Variants in TNK1 observed in about 807,000 individuals in gnomAD.
The protein encoded by TNK1 is tyrosine kinase non receptor 1, also known as non-receptor tyrosine-protein kinase TNK1.
A neutral mutation model predicts 65.2 loss-of-function variants in TNK1; 53 were observed. The observed-to-expected ratio is 0.81, with a 90% CI of 0.65 to 1.02. The LOEUF (loss-of-function observed/expected upper bound fraction) is 1.02. Among genes scored for constraint, TNK1 ranks in the 50% least tolerant of loss-of-function variants. The pLI is 0.00. For missense variants in TNK1, 837 were observed against 878.4 expected, an observed-to-expected ratio of 0.95 and a Z score of 0.60; for synonymous variants, 353 against 364.6, an observed-to-expected ratio of 0.97 and a Z score of 0.36.
In TNK1 at chr17:7,388,166, CT is replaced by C. The variant is rs1450700057; in HGVS notation, c.1478-239del. Among the ~76,000 whole-genome samples the C allele has an allele frequency of 6.6e-6, 1 of 152,208 alleles. No individual in the cohort carries two copies. Among genetic ancestry groups the C allele is most frequent in the African/African-American group, 2.4e-5 (1 of 41,448 alleles). On this transcript the variant is annotated intron_variant, in intron 10 of 12. Transcript: ENST00000688331. This position sits in a 1 kb window ranked among gnomAD's most constrained non-coding sequence, Gnocchi z 4.5. ...TGGGGCCAGGCATGGTGGCTCAAGC[CT>C]GTAATCCCAGCACTTTGGGAGCCCA...
chr17:7,388,922 G>T lies in TNK1; in HGVS notation c.1872+39G>T, dbSNP rs1216823429. 6.4e-7 allele frequency: 1 copy of T among 1,560,692 alleles called. No homozygotes were observed. Among genetic ancestry groups the T allele is most frequent in the African/African-American group, 1.4e-5 (1 of 73,512 alleles). On this transcript the variant is annotated intron_variant, in intron 12 of 12. Transcript: ENST00000688331. This position sits in a 1 kb window ranked among gnomAD's most constrained non-coding sequence, Gnocchi z 4.5. ...CTTCTCTTGGGGTCCCTCCTCTCCT[G>T]CCCCTGCCGCCTGGCAGTCAGCTGC...
rs1174695199 is a variant in TNK1, at chr17:7,389,241, A to G, written c.*157A>G. The G allele has an allele frequency of 1.6e-6, 1 of 624,232 alleles. No individual in the cohort carries two copies. The highest frequency in any genetic ancestry group is 2.8e-6 in the Non-Finnish European group (1 of 359,082). The allele number at this position is 624,232 out of a possible 1,614,324, so 38.7% of individuals were successfully genotyped here. A position where few individuals can be genotyped will look rare whatever the true frequency, so the allele number is the denominator to read the frequency against. The stretch of plus-strand genomic sequence containing the variant: ...CCGTAGGCACATGGAGGAGGAGCCC[A>G]GAGTTGGGCACTGGCAAATGTCTCC... On this transcript the variant is annotated 3_prime_UTR_variant, in exon 13 of 13. Coordinates refer to ENST00000688331, the MANE Select transcript of TNK1 (RefSeq NM_003985.6).
At chr17:7,380,161 G>T (rs575794278), upstream of TNK1, among the ~76,000 whole-genome samples, 1 of 152,166 alleles carries the variant, frequency 6.6e-6, no homozygotes, top group South Asian at 2.1e-4. Flanking sequence ...GCTGGGAAAC[G>T]TGGAGGTGGC....
chr17:7,384,948 G>A (rs1472734463), intron 7 of TNK1, among the ~76,000 whole-genome samples, 194 bp downstream of exon 7: 1 of 152,220 alleles, frequency 6.6e-6, no homozygotes, highest in Non-Finnish European at 1.5e-5. Context: ...CACAGATGCA[G>A]ACTGAAAGGC....
chr17:7,382,844 G>A lies in TNK1; in HGVS notation c.-83G>A. The A allele has an allele frequency of 6.8e-7, 1 of 1,469,604 alleles. No individual in the cohort carries two copies. The highest frequency in any genetic ancestry group is 9.3e-7 in the Non-Finnish European group (1 of 1,079,622). 91.0% of individuals were successfully genotyped at this position (1,469,604 alleles called of 1,614,324 possible). A position where few individuals can be genotyped will look rare whatever the true frequency, so the allele number is the denominator to read the frequency against. ...TTTCTAATGACTTGCAGGTGGAGCT[G>A]GAGACCTGGTCTCTCTAGGGCCTAC... On this transcript the variant is annotated 5_prime_UTR_variant, in exon 2 of 13. Transcript: ENST00000688331. The surrounding 1 kb of genome is among the most constrained non-coding windows in gnomAD (Gnocchi z 4.1).
rs995945867 is a variant in TNK1 at position 7,386,587 on chromosome 17, G to A, written c.1164G>A (p.Val388=). ...CCGGGCCTTCGGAAGCATGTTGTGT[G>A]AGGGATGTCACAGAACCAGGCGCCC... ...QEAGPSEACC[V]RDVTEPGALR... is the part of the protein sequence containing the mutation. The change falls in exon 8 of 13, where the codon GTG becomes GTA. Residue 388 remains valine, a synonymous_variant. Transcript: ENST00000688331. 2 of 1,605,370 alleles carry A rather than the reference G, an allele frequency of 1.2e-6. No individual in the cohort carries two copies. The highest frequency in any genetic ancestry group is 1.1e-5 in the South Asian group (1 of 89,064).
chr17:7,388,582 C>A lies in TNK1; in HGVS notation c.1654C>A (p.Leu552Ile). ...PQPSQPSRER[L>I]PWPKRKPPHN... is the part of the protein sequence containing the mutation. The stretch of plus-strand genomic sequence containing the variant: ...GCCCAGCCAGCCCTCTAGGGAGAGG[C>A]TTCCCTGGCCCAAAAGAAAACCCCC... Residue 552 changes from leucine to isoleucine, a missense_variant, in exon 11 of 13, where the codon CTT (leucine) becomes ATT (isoleucine). Physicochemically the swap from Leu to Ile is conservative, Grantham distance 5. Transcript: ENST00000688331. This position sits in a 1 kb window ranked among gnomAD's most constrained non-coding sequence, Gnocchi z 4.5. 1 of 1,613,996 alleles carries A rather than the reference C, an allele frequency of 6.2e-7. No homozygotes were observed. Among genetic ancestry groups the A allele is most frequent in the Non-Finnish European group, 8.5e-7 (1 of 1,179,894 alleles).
chr17:7,382,570 G>A lies in TNK1; in HGVS notation c.-91-266G>A, dbSNP rs773493226. 6.0e-4 allele frequency among the ~76,000 whole-genome samples: 92 copies of A among 152,304 alleles called. No individual in the cohort carries two copies. The highest frequency in any genetic ancestry group is 4.7e-4 in the Non-Finnish European group (32 of 68,034). On this transcript the variant is annotated intron_variant, in intron 1 of 12. Transcript: ENST00000688331. This position sits in a 1 kb window ranked among gnomAD's most constrained non-coding sequence, Gnocchi z 4.1. The stretch of plus-strand genomic sequence containing the variant: ...TGCGTAGCTCAGGTCTAAAAGGGCA[G>A]TGTTTCTGGGTGTCCGGGTGTGTGA...
At chr17:7,383,673 C>G (rs767363789) in intron 4 of TNK1, 36 bp from the exon 5 acceptor site, 1 of 1,602,842 alleles carries the variant, frequency 6.2e-7, no homozygotes, top group Admixed American at 1.7e-5. Context: ...GTTCTTCATG[C>G]CCGCAATGCC....
In TNK1 at chr17:7,384,268, G is replaced by A; in HGVS notation, c.866+15G>A. On this transcript the variant is annotated intron_variant, in intron 6 of 12. Coordinates refer to ENST00000688331, the MANE Select transcript of TNK1 (RefSeq NM_003985.6). ...CCCTACGCCTGGTGAGAGCGGGTCC[G>A]CGGGCGGTCGGGCTCTGAGCCGGGC... is the stretch of plus-strand genomic sequence containing the variant. 2 of 1,445,448 alleles carry A rather than the reference G, an allele frequency of 1.4e-6. No individual in the cohort carries two copies. Among genetic ancestry groups the A allele is most frequent in the South Asian group, 1.4e-5 (1 of 69,286 alleles). The allele number at this position is 1,445,448 out of a possible 1,614,324, so 89.5% of individuals were successfully genotyped here.
At position 7,384,013 on chromosome 17, in the gene TNK1, C is replaced by A. The variant is rs779690381; in HGVS notation, c.626C>A (p.Thr209Lys). The A allele has an allele frequency of 2.0e-6, 3 of 1,497,726 alleles. No homozygotes were observed. The highest frequency in any genetic ancestry group is 2.5e-5 in the East Asian group (1 of 40,144). 92.8% of individuals were successfully genotyped at this position (1,497,726 alleles called of 1,614,324 possible). A position where few individuals can be genotyped will look rare whatever the true frequency, so the allele number is the denominator to read the frequency against. The change falls in exon 6 of 13, where the codon ACG becomes AAG. Residue 209 changes from threonine (T) to lysine (K), a missense_variant. Physicochemically the swap from Thr to Lys is moderately conservative, Grantham distance 78. Transcript: ENST00000688331. ...CTGGGCTCCCTGCACGCGCGCCTAA[C>A]GGCCCCGGCCCCGACACCCCCGCTG... ...APLGSLHARL[T>K]APAPTPPLLV...
Position 7,384,028 on chromosome 17 carries a change from C to T in TNK1, c.641C>T (p.Thr214Ile). ...LHARLTAPAP[T>I]PPLLVALLCL... ...GCGCGCCTAACGGCCCCGGCCCCGA[C>T]ACCCCCGCTGCTCGTGGCCCTGCTC... The change falls in exon 6 of 13, where the codon ACA becomes ATA. Residue 214 changes from threonine to isoleucine, a missense_variant. Transcript: ENST00000688331. 1 of 1,511,618 alleles carries T rather than the reference C, an allele frequency of 6.6e-7. No homozygotes were observed. Among genetic ancestry groups the T allele is most frequent in the South Asian group, 1.2e-5 (1 of 80,850 alleles). The allele number at this position is 1,511,618 out of a possible 1,614,324, so 93.6% of individuals were successfully genotyped here. A position where few individuals can be genotyped will look rare whatever the true frequency, so the allele number is the denominator to read the frequency against.
Position 7,388,081 on chromosome 17 carries a change from G to A in TNK1, c.1478-325G>A, listed in dbSNP as rs1257936166. ...CATGAACCACCCAGGGACAGGGCTG[G>A]CTAGCTCATCTGCAAATGCTTGCAA... On this transcript the variant is annotated intron_variant, in intron 10 of 12. Transcript: ENST00000688331. The surrounding 1 kb of genome is among the most constrained non-coding windows in gnomAD (Gnocchi z 4.5). Among the ~76,000 whole-genome samples, 2 of 152,112 alleles carry A rather than the reference G, an allele frequency of 1.3e-5. No homozygotes were observed. The highest frequency in any genetic ancestry group is 4.8e-5 in the African/African-American group (2 of 41,414).
Position 7,387,475 on chromosome 17 carries a change from C to T in TNK1, c.1477+18C>T. On this transcript the variant is annotated intron_variant, in intron 10 of 12. Coordinates refer to ENST00000688331, the MANE Select transcript of TNK1 (RefSeq NM_003985.6). ...GATGAAAGGTGGGTGTGGTGGACTCCAGAGTCTCTGAGGAGATCAAGACCA... is the reference window on the plus strand; with the variant it reads ...GATGAAAGGTGGGTGTGGTGGACTCTAGAGTCTCTGAGGAGATCAAGACCA... 6.4e-7 allele frequency: 1 copy of T among 1,572,658 alleles called. No individual in the cohort carries two copies. Among genetic ancestry groups the T allele is most frequent in the Non-Finnish European group, 8.6e-7 (1 of 1,159,004 alleles).
At chr17:7,386,910 A>G in intron 8 of TNK1, 80 bp from the exon 9 acceptor site, 1 of 1,457,560 alleles carries the variant, frequency 6.9e-7, no homozygotes, top group Non-Finnish European at 9.2e-7. Flanking sequence ...CACATAGCCT[A>G]GTGAGCTGAC....
Position 7,388,954 on chromosome 17 carries a change from C to A in TNK1, c.1873-17C>A. Reference sequence around the variant, plus strand: ...CCGCCTGGCAGTCAGCTGCAACCCACCCTCCTGCTTCCACAGGTAGATCAG... The same window carrying A: ...CCGCCTGGCAGTCAGCTGCAACCCAACCTCCTGCTTCCACAGGTAGATCAG... On this transcript the variant is annotated splice_polypyrimidine_tract_variant and intron_variant, in intron 12 of 12. Coordinates refer to ENST00000688331, the MANE Select transcript of TNK1 (RefSeq NM_003985.6). This position sits in a 1 kb window ranked among gnomAD's most constrained non-coding sequence, Gnocchi z 4.5. The A allele has an allele frequency of 6.4e-7, 1 of 1,554,362 alleles. No individual in the cohort carries two copies. Among genetic ancestry groups the A allele is most frequent in the Non-Finnish European group, 8.7e-7 (1 of 1,148,228 alleles).
In TNK1 at chr17:7,387,049, C is replaced by T. The variant is rs1905217255; in HGVS notation, c.1292C>T (p.Pro431Leu). The T allele has an allele frequency of 6.2e-6, 10 of 1,610,322 alleles. No homozygotes were observed. The highest frequency in any genetic ancestry group is 8.5e-6 in the Non-Finnish European group (10 of 1,178,440). ...CGCACCTTCAAAGTGGGCAGCTTCC[C>T]AGCCTCGGCAGTGACGCTGGCAGAT... Reference protein sequence around the residue: ...NGRTFKVGSFPASAVTLADAG... With the variant: ...NGRTFKVGSFLASAVTLADAG... Residue 431 changes from proline to leucine, a missense_variant, in exon 9 of 13, where the codon CCA (proline) becomes CTA (leucine). Pro to Leu is a moderately conservative substitution (Grantham distance 98). Coordinates refer to ENST00000688331, the MANE Select transcript of TNK1 (RefSeq NM_003985.6).
rs1014755456 is a variant in TNK1, at chr17:7,389,180, CAG to C, written c.*97_*98del. 2.9e-5 allele frequency: 29 copies of C among 988,708 alleles called. No homozygotes were observed. The highest frequency in any genetic ancestry group is 3.1e-4 in the Middle Eastern group (1 of 3,180). 61.2% of individuals were successfully genotyped at this position (988,708 alleles called of 1,614,324 possible). On this transcript the variant is annotated 3_prime_UTR_variant, in exon 13 of 13. Coordinates refer to ENST00000688331, the MANE Select transcript of TNK1 (RefSeq NM_003985.6). ...AAGCGGAACCAGAACAAGGTCCCGACAGGGGTAGACGTTCCACCTGGGGAGAT... is the reference window on the plus strand; with the variant it reads ...AAGCGGAACCAGAACAAGGTCCCGACGGGTAGACGTTCCACCTGGGGAGAT...
intron 10 of TNK1, 43 bp downstream of exon 10, chr17:7,387,500 A>G (rs751313478): frequency 6.6e-7 from 1 of 1,518,776 alleles, no homozygotes; most frequent in Non-Finnish European, 8.9e-7. Flanking sequence ...GATCAAGACC[A>G]GTCCTTCAAT....
Sources: allele counts gnomAD v4.1 joint callset (sites outside exome capture counted in the v4.1 genomes callset), GRCh38; gene constraint gnomAD v4.1.1; non-coding constraint Gnocchi (gnomAD v3.1); transcripts MANE v1.5; gene names NCBI Gene and HGNC (gene_info 2026-07-23, HGNC 2026-07-21).